Variants in SFSWAP observed in about 807,000 individuals in gnomAD.
The protein encoded by SFSWAP is splicing factor SWAP, also known as splicing factor, suppressor of white-apricot homolog.
Under a neutral mutation model 100.7 loss-of-function variants are expected in SFSWAP, and 17 were observed. That is an observed-to-expected ratio of 0.17 (90% confidence interval 0.12 to 0.25). The LOEUF (loss-of-function observed/expected upper bound fraction) is 0.25, where lower values mean the gene tolerates loss of function less well. Ranked by LOEUF, SFSWAP falls within the 10% of genes least tolerant of loss-of-function variation. The probability of loss-of-function intolerance (pLI) is 1.00; values close to 1 mark genes in which losing one functional copy is unlikely to be tolerated. For synonymous variants in SFSWAP, 504 were observed against 510.1 expected (o/e 0.99, Z 0.16); for missense variants, 1,005 against 1,262.6 (o/e 0.80, Z 3.09).
At position 131,769,634 on chromosome 12, in the gene SFSWAP, G is replaced by A. The variant is rs137858553; in HGVS notation, c.2142+3326G>A. On this transcript the variant is annotated intron_variant, in intron 13 of 17. Transcript: ENST00000261674. ...TTTTATTTTATTTATTTATTTATTT[G>A]TTTGTTTTTTGAGACAGAGTCTTGC... Among the ~76,000 whole-genome samples, 784 of 151,364 alleles carry A rather than the reference G, an allele frequency of 5.2e-3. 8 individuals carry two copies. The highest frequency in any genetic ancestry group is 0.018 in the African/African-American group (724 of 40,968).
intron 14 of SFSWAP, among the ~76,000 whole-genome samples, chr12:131,779,963 T>C (rs1390097691): frequency 1.3e-5 from 2 of 152,198 alleles, no homozygotes; most frequent in African/African-American, 4.8e-5. Flanking sequence ...ATTTTGTTTT[T>C]TTAGTAGAGA....
At position 131,799,416 on chromosome 12, in the gene SFSWAP, T is replaced by C. The variant is rs996648501; in HGVS notation, c.2791-7T>C. ...ACAGGTTCTCCTCTGTGTCTCGCCCTGCACAGGATCTCATGGCCAAAGTCA... is the reference window on the plus strand; with the variant it reads ...ACAGGTTCTCCTCTGTGTCTCGCCCCGCACAGGATCTCATGGCCAAAGTCA... On this transcript the variant is annotated splice_region_variant and splice_polypyrimidine_tract_variant and intron_variant, in intron 17 of 17. Transcript: ENST00000261674. 5 of 1,614,114 alleles carry C rather than the reference T, an allele frequency of 3.1e-6. No homozygotes were observed. Among genetic ancestry groups the C allele is most frequent in the Non-Finnish European group, 4.2e-6 (5 of 1,179,952 alleles).
chr12:131,774,947 A>G (rs1166760974), intron 13 of SFSWAP, among the ~76,000 whole-genome samples: 2 of 152,198 alleles, frequency 1.3e-5, no homozygotes, highest in Non-Finnish European at 2.9e-5. Context: ...TGGAGGCTCA[A>G]ATCATTAAGT....
chr12:131,761,619 G>C (rs1882688187), intron 11 of SFSWAP, among the ~76,000 whole-genome samples: 1 of 152,208 alleles, frequency 6.6e-6, no homozygotes, highest in Non-Finnish European at 1.5e-5. Flanking sequence ...GGAAGGAACT[G>C]GGTTTATTCT....
chr12:131,750,412 T>A (rs940183236), intron 7 of SFSWAP, among the ~76,000 whole-genome samples: 1 of 152,230 alleles, frequency 6.6e-6, no homozygotes, highest in African/African-American at 2.4e-5. Flanking sequence ...CAAATTTGAT[T>A]AAAACCTTGG....
In SFSWAP at chr12:131,711,851, C is replaced by G; in HGVS notation, c.218+404C>G. 1 of 221,632 alleles carries G rather than the reference C, an allele frequency of 4.5e-6. No individual in the cohort carries two copies. Among genetic ancestry groups the G allele is most frequent in the East Asian group, 1.3e-4 (1 of 7,884 alleles). 13.7% of individuals were successfully genotyped at this position (221,632 alleles called of 1,614,324 possible). ...TGCTTTTCTACTTGCCGCGCTCTCACTGCTCGGTGTACTGGGAGGGTACCC... is the reference window on the plus strand; with the variant it reads ...TGCTTTTCTACTTGCCGCGCTCTCAGTGCTCGGTGTACTGGGAGGGTACCC... On this transcript the variant is annotated intron_variant, in intron 1 of 17. Transcript: ENST00000261674. The surrounding 1 kb of genome is among the most constrained non-coding windows in gnomAD (Gnocchi z 4.9).
chr12:131,719,571 C>T (rs1384896557), intron 4 of SFSWAP, 32 bp downstream of exon 4: 2 of 1,501,364 alleles, frequency 1.3e-6, no homozygotes, highest in African/African-American at 2.8e-5. Context: ...TAGTTGTCGT[C>T]ATTATTATTT....
chr12:131,726,816 T>C, intron 5 of SFSWAP, 124 bp from the exon 6 acceptor site: 1 of 655,198 alleles, frequency 1.5e-6, no homozygotes, highest in Non-Finnish European at 2.7e-6. Context: ...TAGGGAGAAA[T>C]TTCTAAAAGT....
intron 13 of SFSWAP, among the ~76,000 whole-genome samples, chr12:131,774,946 A>C (rs909572607): frequency 6.6e-6 from 1 of 152,122 alleles, no homozygotes; most frequent in African/African-American, 2.4e-5. Context: ...TTGGAGGCTC[A>C]AATCATTAAG....
chr12:131,713,899 T>C, intron 1 of SFSWAP, 172 bp from the exon 2 acceptor site: 1 of 435,600 alleles, frequency 2.3e-6, no homozygotes, highest in Non-Finnish European at 4.0e-6. Context: ...GAGATATGAC[T>C]ATCCAAATTA....
chr12:131,795,978 TAGGGGAGGGGAGGGGAGAGG>T (rs1566064570), intron 15 of SFSWAP: 4 of 67,574 alleles, frequency 5.9e-5, no homozygotes, highest in Non-Finnish European at 1.2e-4. Context: ...AGGGGAGGGA[TAGGGGAGGGGAGGGGAGAGG>T]GGGAGGGGAG....
chr12:131,714,553 T>C lies in SFSWAP; in HGVS notation c.389-269T>C. ...GATGTTCTTGTCTTTGCCGTAACAG[T>C]CTTTAATACAGTTCTTAATCCCAAA... On this transcript the variant is annotated intron_variant, in intron 2 of 17. Transcript: ENST00000261674. The surrounding 1 kb of genome is among the most constrained non-coding windows in gnomAD (Gnocchi z 6.0). 1 of 491,344 alleles carries C rather than the reference T, an allele frequency of 2.0e-6. No homozygotes were observed. The allele number at this position is 491,344 out of a possible 1,614,324, so 30.4% of individuals were successfully genotyped here.
At chr12:131,787,832 G>C (rs1885001533) in intron 15 of SFSWAP, among the ~76,000 whole-genome samples, 1 of 152,198 alleles carries the variant, frequency 6.6e-6, no homozygotes, top group Non-Finnish European at 1.5e-5. Context: ...GGTTGGCCTA[G>C]TACCACGGTT....
intron 13 of SFSWAP, among the ~76,000 whole-genome samples, chr12:131,775,935 C>CAA (rs200016159): frequency 3.5e-5 from 3 of 85,410 alleles, no homozygotes; most frequent in Non-Finnish European, 2.5e-5. Context: ...ACTAAAAATA[C>CAA]AAAAAAAAAA....
intron 14 of SFSWAP, 103 bp from the exon 15 acceptor site, chr12:131,786,360 C>T: frequency 3.6e-6 from 5 of 1,388,128 alleles, no homozygotes; most frequent in Non-Finnish European, 4.8e-6. Flanking sequence ...CCCTGAGGAG[C>T]AGCCTCTGCA....
intron 14 of SFSWAP, chr12:131,785,833 C>T (rs1384731997): frequency 6.5e-6 from 1 of 153,160 alleles, no homozygotes; most frequent in Non-Finnish European, 1.5e-5. Context: ...TTGAAGGTTT[C>T]AGGCTTCATG....
intron 13 of SFSWAP, 52 bp downstream of exon 13, chr12:131,766,360 C>T: frequency 1.3e-6 from 2 of 1,534,190 alleles, no homozygotes; most frequent in Non-Finnish European, 1.8e-6. Context: ...TACATAGAGG[C>T]AGGGAGGATG....
intron 7 of SFSWAP, among the ~76,000 whole-genome samples, chr12:131,731,946 G>T (rs558696482): frequency 9.4e-6 from 1 of 105,960 alleles, no homozygotes; most frequent in South Asian, 3.3e-4. Context: ...GTCTCTCTGT[G>T]TTACCCAGGC....
At chr12:131,724,381 T>C (rs1340043618) in intron 4 of SFSWAP, among the ~76,000 whole-genome samples, 3 of 152,214 alleles carry the variant, frequency 2.0e-5, no homozygotes, top group Non-Finnish European at 4.4e-5. Context: ...ATGCATACAG[T>C]GGGCCTTTAA....
Sources: allele counts gnomAD v4.1 joint callset (sites outside exome capture counted in the v4.1 genomes callset), GRCh38; gene constraint gnomAD v4.1.1; non-coding constraint Gnocchi (gnomAD v3.1); transcripts MANE v1.5; gene names NCBI Gene and HGNC (gene_info 2026-07-23, HGNC 2026-07-21).